The following RBFOX2 variants were observed in gnomAD, a reference collection of about 807,000 sequenced individuals.
The protein encoded by RBFOX2 is RNA binding protein fox-1 homolog 2.
A neutral mutation model predicts 49.1 loss-of-function variants in RBFOX2; 10 were observed. The ratio of observed to expected loss-of-function variants is 0.20; its 90% CI spans 0.13 to 0.35. The LOEUF (loss-of-function observed/expected upper bound fraction) is 0.35, where lower values mean the gene tolerates loss of function less well. Ranked by LOEUF, RBFOX2 falls within the 10% of genes least tolerant of loss-of-function variation. The pLI is 1.00. For synonymous variants in RBFOX2, 183 were observed against 187.4 expected (o/e 0.98, Z 0.19); for missense variants, 323 against 486.9 (o/e 0.66, Z 3.17).
At chr22:35,881,980 GAAAAGAA>G (rs1463559561) in intron 1 of RBFOX2, among the ~76,000 whole-genome samples, 2 of 116,522 alleles carry the variant, frequency 1.7e-5, no homozygotes, top group Non-Finnish European at 3.8e-5. Context: ...AGAAAAGAAA[GAAAAGAA>G]AAAAGAAAAA....
intron 1 of RBFOX2, among the ~76,000 whole-genome samples, chr22:35,910,490 C>G (rs950210172): frequency 1.2e-4 from 19 of 152,166 alleles, no homozygotes; most frequent in African/African-American, 3.6e-4. Flanking sequence ...TAAAGGGCTA[C>G]AATCAGGATA....
intron 1 of RBFOX2, among the ~76,000 whole-genome samples, chr22:35,975,757 C>T (rs1464131101): frequency 6.6e-6 from 1 of 151,948 alleles, no homozygotes; most frequent in Non-Finnish European, 1.5e-5. Flanking sequence ...AAATGAGTTC[C>T]CACTTGATCA....
At position 35,783,459 on chromosome 22, in the gene RBFOX2, C is replaced by A. The variant is rs1337140536; in HGVS notation, c.253-1713G>T. On this transcript the variant is annotated intron_variant, in intron 2 of 11. Coordinates refer to ENST00000405409, the Ensembl canonical transcript of RBFOX2. ...TATACTGCTGCAGAAAAAGCACACG[C>A]CAAGAGTCTGCATTTTGGGTGTGGT... is the stretch of plus-strand genomic sequence containing the variant. Among the ~76,000 whole-genome samples, 6 of 152,140 alleles carry A rather than the reference C, an allele frequency of 3.9e-5. No individual in the cohort carries two copies. In the East Asian group the frequency reaches 1.2e-3, roughly 29 times the overall value.
intron 9 of RBFOX2, among the ~76,000 whole-genome samples, chr22:35,757,654 A>G (rs1029730232): frequency 2.6e-5 from 4 of 152,186 alleles, no homozygotes; most frequent in African/African-American, 9.7e-5. Context: ...GAATGCCCCA[A>G]ATATGCTATG....
chr22:35,746,728 T>C lies in RBFOX2; in HGVS notation c.888-167A>G, dbSNP rs1331424250. 7 of 408,714 alleles carry C rather than the reference T, an allele frequency of 1.7e-5. 1 individual carries two copies. The East Asian group carries it at 2.5e-4, about 15-fold the overall frequency. The allele number at this position is 408,714 out of a possible 1,614,324, so 25.3% of individuals were successfully genotyped here. A position where few individuals can be genotyped will look rare whatever the true frequency, so the allele number is the denominator to read the frequency against. Reference sequence around the variant, plus strand: ...GTTTCAAACTGCATCAGTCTGCATGTTATTATTCCTCCAATAAAAAATTAA... The same window carrying C: ...GTTTCAAACTGCATCAGTCTGCATGCTATTATTCCTCCAATAAAAAATTAA... On this transcript the variant is annotated intron_variant, in intron 9 of 11. Coordinates refer to ENST00000405409, the Ensembl canonical transcript of RBFOX2.
chr22:35,801,356 T>A (rs1235935623), intron 2 of RBFOX2, among the ~76,000 whole-genome samples: 2 of 152,014 alleles, frequency 1.3e-5, no homozygotes, highest in Non-Finnish European at 2.9e-5. Context: ...TTTAATAAAA[T>A]AACCTAAATA....
intron 1 of RBFOX2, among the ~76,000 whole-genome samples, chr22:35,923,712 C>T (rs2051287005): frequency 6.6e-6 from 1 of 150,676 alleles, no homozygotes; most frequent in Admixed American, 6.6e-5. Flanking sequence ...TAAAACCCTT[C>T]CCCCCCACCC....
chr22:35,783,121 T>G (rs897351326), intron 2 of RBFOX2, among the ~76,000 whole-genome samples: 1 of 152,202 alleles, frequency 6.6e-6, no homozygotes, highest in Non-Finnish European at 1.5e-5. Context: ...ACAACCTCTT[T>G]GAGCACTCTG....
At chr22:35,972,911 ACAG>A (rs2150019874) in intron 1 of RBFOX2, among the ~76,000 whole-genome samples, 1 of 152,362 alleles carries the variant, frequency 6.6e-6, no homozygotes, top group African/African-American at 2.4e-5. Context: ...CCAAAGAAGT[ACAG>A]CACCAAGACC....
At chr22:35,901,971 T>C (rs1362427840) in intron 1 of RBFOX2, among the ~76,000 whole-genome samples, 1 of 151,916 alleles carries the variant, frequency 6.6e-6, no homozygotes, top group African/African-American at 2.4e-5. Context: ...TCTCAGCTAC[T>C]CAGGAGGCTG....
chr22:35,993,327 T>C (rs1417782539), intron 1 of RBFOX2: 1 of 152,146 alleles, frequency 6.6e-6, no homozygotes, highest in African/African-American at 2.4e-5. Context: ...AAAACACAGG[T>C]ATGTTAACAG....
At chr22:36,008,169 C>A in intron 1 of RBFOX2, among the ~76,000 whole-genome samples, 1 of 152,158 alleles carries the variant, frequency 6.6e-6, no homozygotes, top group East Asian at 1.9e-4. Flanking sequence ...TACTCACACC[C>A]TTATCAAACC....
intron 11 of RBFOX2, 40 bp downstream of exon 13, chr22:35,745,883 T>A: frequency 6.4e-7 from 1 of 1,556,898 alleles, no homozygotes; most frequent in South Asian, 1.1e-5. Context: ...AAAGAAGGAA[T>A]GAAATGGTTT....
intron 6 of RBFOX2, among the ~76,000 whole-genome samples, chr22:35,762,118 T>A (rs1164639966): frequency 6.6e-6 from 1 of 152,216 alleles, no homozygotes; most frequent in Non-Finnish European, 1.5e-5. Flanking sequence ...TGTGTAATAA[T>A]CACCTTTAAG....
chr22:35,964,028 G>A (rs2056416813), upstream of RBFOX2, among the ~76,000 whole-genome samples: 1 of 152,198 alleles, frequency 6.6e-6, no homozygotes, highest in African/African-American at 2.4e-5. Flanking sequence ...TTACAGGTGT[G>A]AGCCACTATG....
At chr22:35,750,996 T>C (rs1189760758) in intron 9 of RBFOX2, among the ~76,000 whole-genome samples, 1 of 152,240 alleles carries the variant, frequency 6.6e-6, no homozygotes, top group African/African-American at 2.4e-5. Context: ...GCTTTTCTAC[T>C]CTGCTCTGAG....
At chr22:35,857,390 T>C (rs1031551397) in intron 1 of RBFOX2, among the ~76,000 whole-genome samples, 1 of 152,190 alleles carries the variant, frequency 6.6e-6, no homozygotes, top group Non-Finnish European at 1.5e-5. Context: ...TATAGATATA[T>C]AAGAGATGAC....
chr22:35,921,809 C>CA (rs1344349305), intron 1 of RBFOX2, among the ~76,000 whole-genome samples: 1 of 152,328 alleles, frequency 6.6e-6, no homozygotes, highest in Non-Finnish European at 1.5e-5. Context: ...GAATCCACTG[C>CA]AAGAAGTTCT....
intron 1 of RBFOX2, among the ~76,000 whole-genome samples, chr22:35,864,934 A>T (rs1427405212): frequency 1.3e-5 from 2 of 152,254 alleles, no homozygotes; most frequent in Admixed American, 1.3e-4. Context: ...GGCTAAGACT[A>T]GATTCCCTCT....
Sources: gnomAD v4.1 joint callset for allele counts (sites outside exome capture counted in the v4.1 genomes callset) on GRCh38, gnomAD v4.1.1 for gene constraint, MANE v1.5 for transcripts, NCBI Gene and HGNC (gene_info 2026-07-23, HGNC 2026-07-21) for gene names.